WDR64: variants seen among roughly 807,000 people sequenced by gnomAD.
The protein encoded by WDR64 is WD repeat domain 64.
WDR64 carries 112 observed loss-of-function variants against 139.3 expected under a neutral mutation model. The observed-to-expected ratio is 0.80, with a 90% confidence interval of 0.69 to 0.94. The LOEUF is 0.94. WDR64 is among the 40% of genes least tolerant of loss of function. WDR64 has a pLI of 0.00. For synonymous variants in WDR64, 444 were observed against 437.7 expected, an observed-to-expected ratio of 1.01 and a Z score of -0.18; for missense variants, 1,206 against 1,293.1, an observed-to-expected ratio of 0.93 and a Z score of 1.03.
At chr1:241,685,119 A>T (rs1034379548) in intron 7 of WDR64, among the ~76,000 whole-genome samples, 1 of 151,342 alleles carries the variant, frequency 6.6e-6, no homozygotes, top group African/African-American at 2.4e-5. Flanking sequence ...GTTACTTTAG[A>T]TATTAATCAT....
At chr1:241,666,084 A>T (rs1012944821) in intron 2 of WDR64, among the ~76,000 whole-genome samples, 1 of 152,230 alleles carries the variant, frequency 6.6e-6, no homozygotes, top group Non-Finnish European at 1.5e-5. Flanking sequence ...GAAGTTAAAA[A>T]TGAATCACTT....
chr1:241,679,393 G>C, intron 5 of WDR64, 92 bp from the exon 6 acceptor site: 2 of 1,098,094 alleles, frequency 1.8e-6, no homozygotes, highest in Non-Finnish European at 1.3e-6. Flanking sequence ...GCAAAATGGA[G>C]CTTTTAGTGT....
Position 241,738,477 on chromosome 1 carries a change from A to G in WDR64, c.1309A>G (p.Met437Val), listed in dbSNP as rs1669411361. Reference sequence around the variant, plus strand: ...TATGATATATGATGCCAATCATGGCATGCTTATTACGGGTAAGTGTACCCA... The same window carrying G: ...TATGATATATGATGCCAATCATGGCGTGCTTATTACGGGTAAGTGTACCCA... Reference protein sequence around the residue: ...YSMIYDANHGMLITGSSVMDM... With the variant: ...YSMIYDANHGVLITGSSVMDM... Residue 437 changes from methionine (M) to valine (V), a missense_variant, in exon 11 of 28, where the codon ATG becomes GTG. Physicochemically the swap from Met to Val is conservative, Grantham distance 21. Transcript: ENST00000437684. 1 of 1,611,310 alleles carries G rather than the reference A, an allele frequency of 6.2e-7. No homozygotes were observed. Among genetic ancestry groups the G allele is most frequent in the Non-Finnish European group, 8.5e-7 (1 of 1,179,074 alleles).
chr1:241,676,935 T>C (rs575990877), intron 4 of WDR64, among the ~76,000 whole-genome samples: 95 of 152,238 alleles, frequency 6.2e-4, no homozygotes, highest in African/African-American at 2.2e-3. Flanking sequence ...GTTTTGATTG[T>C]TGCAAGCCTT....
At chr1:241,712,839 G>A (rs893999513) in intron 9 of WDR64, among the ~76,000 whole-genome samples, 1 of 151,958 alleles carries the variant, frequency 6.6e-6, no homozygotes, top group Non-Finnish European at 1.5e-5. Context: ...CTGAGGCAGA[G>A]GATCACGTGA....
At position 241,770,624 on chromosome 1, in the gene WDR64, A is replaced by C; in HGVS notation, c.2187A>C (p.Arg729Ser). The change falls in exon 18 of 28, where the codon AGA (arginine) becomes AGC (serine). Residue 729 changes from arginine (R) to serine (S), a missense_variant. Arg to Ser is a moderately radical substitution (Grantham distance 110, BLOSUM62 -1). Transcript: ENST00000437684. ...FLFRTPECAR[R>S]SSQDSICSSS... ...GGCTTCCCCACTCCCCTTATAGGAG[A>C]TCAAGTCAGGATTCCATATGTTCTT... 6.4e-7 allele frequency: 1 copy of C among 1,551,276 alleles called. No homozygotes were observed. Among genetic ancestry groups the C allele is most frequent in the Non-Finnish European group, 8.7e-7 (1 of 1,146,802 alleles).
In WDR64 at chr1:241,795,218, T is replaced by C. The variant is rs141616552; in HGVS notation, c.3009T>C (p.Tyr1003=). The C allele has an allele frequency of 2.1e-4, 336 of 1,613,876 alleles. 1 individual carries two copies. In the African/African-American group the frequency reaches 4.1e-3, roughly 20 times the overall value. Reference sequence around the variant, plus strand: ...CCTTTGTTTTGCAGATTCGAAGATATCCCTTGGAAGGTTTCGTGACTGAAA... The same window carrying C: ...CCTTTGTTTTGCAGATTCGAAGATACCCCTTGGAAGGTTTCGTGACTGAAA... ...KSLSSPKIRR[Y]PLEGFVTENR... Residue 1003 remains tyrosine, a synonymous_variant, in exon 26 of 28, where the codon TAT becomes TAC. Transcript: ENST00000437684.
At chr1:241,654,227 T>C (rs75114141) in intron 1 of WDR64, among the ~76,000 whole-genome samples, 1 of 152,216 alleles carries the variant, frequency 6.6e-6, no homozygotes, top group East Asian at 1.9e-4. Context: ...GGATTTGTCC[T>C]CTCAGTCTAA....
intron 10 of WDR64, among the ~76,000 whole-genome samples, chr1:241,735,839 CTCTCTCTCTCTCTCTCTG>C (rs1669292707): frequency 1.4e-5 from 2 of 143,722 alleles, no homozygotes; most frequent in Non-Finnish European, 3.0e-5. Flanking sequence ...CTCTCTCTCT[CTCTCTCTCTCTCTCTCTG>C]TGTGTGTGTG....
intron 10 of WDR64, among the ~76,000 whole-genome samples, chr1:241,729,084 T>G (rs1264490317): frequency 6.6e-6 from 1 of 152,236 alleles, no homozygotes; most frequent in Admixed American, 6.5e-5. Flanking sequence ...TTCCTCTAAC[T>G]GTTAATGGTA....
At chr1:241,717,253 T>C (rs1668437938) in intron 9 of WDR64, among the ~76,000 whole-genome samples, 1 of 152,220 alleles carries the variant, frequency 6.6e-6, no homozygotes. Flanking sequence ...ACTGTAGTGA[T>C]GTCTCCCTCC....
chr1:241,753,782 G>T (rs1357296451), intron 14 of WDR64, among the ~76,000 whole-genome samples: 1 of 152,044 alleles, frequency 6.6e-6, no homozygotes, highest in African/African-American at 2.4e-5. Context: ...AAAGTATAAG[G>T]TACCTAAAAT....
intron 22 of WDR64, among the ~76,000 whole-genome samples, chr1:241,782,715 C>A (rs1667111082): frequency 6.6e-6 from 1 of 152,146 alleles, no homozygotes; most frequent in Non-Finnish European, 1.5e-5. Flanking sequence ...ACAGATGATT[C>A]ATGATGTTTT....
intron 8 of WDR64, among the ~76,000 whole-genome samples, chr1:241,689,117 G>A (rs963511155): frequency 1.3e-5 from 2 of 152,180 alleles, no homozygotes; most frequent in Admixed American, 6.5e-5. Context: ...TGTGAAATTC[G>A]CAATCCAGAC....
chr1:241,661,157 G>A (rs1665817956), intron 2 of WDR64, among the ~76,000 whole-genome samples: 1 of 149,988 alleles, frequency 6.7e-6, no homozygotes, highest in African/African-American at 2.4e-5. Context: ...AAATTATCTG[G>A]TTCTTTAAAA....
intron 8 of WDR64, among the ~76,000 whole-genome samples, chr1:241,702,875 G>T (rs943922764): frequency 6.6e-6 from 1 of 152,186 alleles, no homozygotes; most frequent in Non-Finnish European, 1.5e-5. Flanking sequence ...GCAGAGTTGA[G>T]TAGTTCTGAC....
Position 241,770,648 on chromosome 1 carries a change from T to C in WDR64, c.2211T>C (p.Ser737=). ...ARRSSQDSIC[S]SSQCESSKGP... ...GATCAAGTCAGGATTCCATATGTTCTTCATCCCAGTGTGAATCCAGCAAAG... is the reference window on the plus strand; with the variant it reads ...GATCAAGTCAGGATTCCATATGTTCCTCATCCCAGTGTGAATCCAGCAAAG... The change falls in exon 18 of 28, where the codon TCT becomes TCC. Residue 737 remains serine, a synonymous_variant. Transcript: ENST00000437684. 2.6e-6 allele frequency: 4 copies of C among 1,551,494 alleles called. No individual in the cohort carries two copies. Among genetic ancestry groups the C allele is most frequent in the Non-Finnish European group, 3.5e-6 (4 of 1,146,860 alleles).
intron 2 of WDR64, among the ~76,000 whole-genome samples, chr1:241,670,048 T>C (rs1314381771): frequency 6.6e-6 from 1 of 152,212 alleles, no homozygotes; most frequent in East Asian, 1.9e-4. Flanking sequence ...TATATAACTT[T>C]TATAAGCATT....
At chr1:241,699,831 C>T (rs1005534263) in intron 8 of WDR64, among the ~76,000 whole-genome samples, 2 of 152,088 alleles carry the variant, frequency 1.3e-5, no homozygotes, top group African/African-American at 2.4e-5. Flanking sequence ...GCTAGACAAT[C>T]CAAGCATGAA....
Sources: allele counts gnomAD v4.1 joint callset (sites outside exome capture counted in the v4.1 genomes callset), GRCh38; gene constraint gnomAD v4.1.1; transcripts MANE v1.5; gene names NCBI Gene and HGNC (gene_info 2026-07-23, HGNC 2026-07-21).